The following EPB41L5 variants were observed in gnomAD, a reference collection of about 807,000 sequenced individuals.
The protein encoded by EPB41L5 is erythrocyte membrane protein band 4.1 like 5, also known as band 4.1-like protein 5.
EPB41L5 carries 55 observed loss-of-function variants against 106.6 expected under a neutral mutation model. The observed-to-expected ratio is 0.52, with a 90% confidence interval of 0.42 to 0.65. EPB41L5 has a LOEUF of 0.65. EPB41L5 is among the 30% of genes least tolerant of loss of function. The pLI, the probability that EPB41L5 is intolerant of heterozygous loss-of-function variation, is 0.00. For missense variants in EPB41L5, 871 were observed against 882.1 expected (o/e 0.99, Z 0.16); for synonymous variants, 297 against 306.7 (o/e 0.97, Z 0.33).
chr2:120,158,164 A>G (rs971586694), intron 20 of EPB41L5, among the ~76,000 whole-genome samples: 1 of 152,212 alleles, frequency 6.6e-6, no homozygotes, highest in Non-Finnish European at 1.5e-5. Context: ...ATTCTACCCA[A>G]TGTGCAAAGA....
intron 17 of EPB41L5, among the ~76,000 whole-genome samples, chr2:120,128,406 C>A (rs930395826): frequency 2.6e-5 from 4 of 152,124 alleles, no homozygotes; most frequent in African/African-American, 9.7e-5. Context: ...CCTGTTGAAT[C>A]TCACTGTAAT....
Position 120,105,824 on chromosome 2 carries a change from TAAAAG to T in EPB41L5, c.1337+5012_1337+5016del, listed in dbSNP as rs936493604. 2.2e-5 allele frequency: 22 copies of T among 985,354 alleles called. No homozygotes were observed. The African/African-American group carries it at 3.1e-4, about 14-fold the overall frequency. The allele number at this position is 985,354 out of a possible 1,614,324, so 61.0% of individuals were successfully genotyped here. On this transcript the variant is annotated intron_variant, in intron 16 of 24. Transcript: ENST00000263713. Reference sequence around the variant, plus strand: ...TATTGTCATGGCTGATTTTTTTTCTTAAAAGAGAGGAATTTGGATTATAACATTTT... The same window carrying T: ...TATTGTCATGGCTGATTTTTTTTCTTAGAGGAATTTGGATTATAACATTTT...
intron 20 of EPB41L5, among the ~76,000 whole-genome samples, chr2:120,154,621 A>G (rs1317907349): frequency 6.6e-6 from 1 of 151,512 alleles, no homozygotes; most frequent in Non-Finnish European, 1.5e-5. Flanking sequence ...TTATTTTGTT[A>G]TTGTCACAAA....
intron 16 of EPB41L5, among the ~76,000 whole-genome samples, chr2:120,113,582 C>G (rs1424261503): frequency 6.6e-6 from 1 of 152,180 alleles, no homozygotes; most frequent in African/African-American, 2.4e-5. Flanking sequence ...AGTTTATTCA[C>G]AAAGGTGTAC....
intron 2 of EPB41L5, among the ~76,000 whole-genome samples, chr2:120,040,323 A>G (rs1434391355): frequency 1.3e-5 from 2 of 152,212 alleles, no homozygotes. Context: ...AACAAGTAAC[A>G]TTACGAAGAA....
chr2:120,082,126 G>T (rs1682715784), intron 10 of EPB41L5, among the ~76,000 whole-genome samples: 1 of 152,062 alleles, frequency 6.6e-6, no homozygotes, highest in Non-Finnish European at 1.5e-5. Flanking sequence ...GATTGCCCTG[G>T]CCAGAACTTC....
intron 24 of EPB41L5, 150 bp downstream of exon 24, chr2:120,168,157 G>A: frequency 1.1e-6 from 1 of 936,084 alleles, no homozygotes; most frequent in South Asian, 2.1e-5. Context: ...TTGTTATTTA[G>A]TGTAGTGGCT....
At chr2:120,157,298 G>A (rs1253091919) in intron 20 of EPB41L5, among the ~76,000 whole-genome samples, 5 of 152,050 alleles carry the variant, frequency 3.3e-5, no homozygotes, top group African/African-American at 1.2e-4. Flanking sequence ...AGTGTTAAGA[G>A]GGAAATTTAT....
chr2:120,131,371 TCTA>T (rs1685679691), intron 17 of EPB41L5, among the ~76,000 whole-genome samples: 2 of 152,216 alleles, frequency 1.3e-5, no homozygotes, highest in Admixed American at 6.5e-5. Context: ...AGATTTCACA[TCTA>T]CTTGCTTTTT....
intron 18 of EPB41L5, among the ~76,000 whole-genome samples, chr2:120,138,129 T>G (rs1248915405): frequency 6.6e-6 from 1 of 151,952 alleles, no homozygotes; most frequent in African/African-American, 2.4e-5. Context: ...CAATTGATGC[T>G]GAAAAAACAT....
chr2:120,127,682 T>A lies in EPB41L5; in HGVS notation c.1338-6T>A. The A allele has an allele frequency of 1.3e-6, 2 of 1,576,666 alleles. No individual in the cohort carries two copies. The highest frequency in any genetic ancestry group is 1.7e-6 in the Non-Finnish European group (2 of 1,154,926). ...GGTCTAAGTAAATTTTCTATTTCCA[T>A]TGCAGCATTCCTCTGAATATTGATT... On this transcript the variant is annotated splice_region_variant and splice_polypyrimidine_tract_variant and intron_variant, in intron 16 of 24. Transcript: ENST00000263713.
At chr2:120,152,801 T>C (rs1022940553) in intron 20 of EPB41L5, among the ~76,000 whole-genome samples, 1 of 152,274 alleles carries the variant, frequency 6.6e-6, no homozygotes, top group Non-Finnish European at 1.5e-5. Flanking sequence ...TATTCAGATT[T>C]TCCATTTCGT....
rs1305422488 is a variant in EPB41L5 at position 120,177,099 on chromosome 2, A to AGCTGCT, written c.*2201_*2206dup. On this transcript the variant is annotated 3_prime_UTR_variant, in exon 25 of 25. Coordinates refer to ENST00000263713, the MANE Select transcript of EPB41L5 (RefSeq NM_020909.4). ...GTGTTGGGGATTGGTTTCCTGTCAT[A>AGCTGCT]GCTGCTGCTGCTGCCATGCGCAGAG... 2 of 152,204 alleles carry AGCTGCT rather than the reference A, an allele frequency of 1.3e-5. No homozygotes were observed. The highest frequency in any genetic ancestry group is 2.4e-5 in the African/African-American group (1 of 41,420). The allele number at this position is 152,204 out of a possible 1,614,324, so 9.4% of individuals were successfully genotyped here. A position where few individuals can be genotyped will look rare whatever the true frequency, so the allele number is the denominator to read the frequency against.
chr2:120,125,271 C>G (rs1052205791), intron 16 of EPB41L5, among the ~76,000 whole-genome samples: 1 of 152,128 alleles, frequency 6.6e-6, no homozygotes, highest in Non-Finnish European at 1.5e-5. Flanking sequence ...GTTCCAAACT[C>G]GTCCTCTAGG....
At chr2:120,048,886 A>T (rs1361835373) in intron 3 of EPB41L5, among the ~76,000 whole-genome samples, 1 of 152,162 alleles carries the variant, frequency 6.6e-6, no homozygotes, top group Admixed American at 6.6e-5. Context: ...CATTGATTTC[A>T]AAGAACATCT....
chr2:120,069,128 C>CAAAAAAAAAAAAAA (rs539813602), intron 3 of EPB41L5, among the ~76,000 whole-genome samples: 6 of 79,556 alleles, frequency 7.5e-5, no homozygotes, highest in African/African-American at 2.4e-4. Context: ...AACTCTGTCT[C>CAAAAAAAAAAAAAA]AAAAAAAAAA....
At chr2:120,053,892 G>T (rs866502343) in intron 3 of EPB41L5, among the ~76,000 whole-genome samples, 33 of 152,062 alleles carry the variant, frequency 2.2e-4, no homozygotes, top group African/African-American at 7.7e-4. Context: ...CAAAACACTT[G>T]TCTCTACAAT....
intron 3 of EPB41L5, among the ~76,000 whole-genome samples, chr2:120,047,508 T>C (rs2105231075): frequency 6.6e-6 from 1 of 152,164 alleles, no homozygotes; most frequent in East Asian, 1.9e-4. Context: ...TGCACATTGA[T>C]TTTGTATCCT....
chr2:120,128,256 A>AACACACACACACACACACACACACAC lies in EPB41L5; in HGVS notation c.1501+415_1501+440dup, dbSNP rs3084679. 1.6e-3 allele frequency among the ~76,000 whole-genome samples: 236 copies of AACACACACACACACACACACACACAC among 145,422 alleles called. 1 individual carries two copies. The highest frequency in any genetic ancestry group is 5.7e-3 in the African/African-American group (222 of 38,936). On this transcript the variant is annotated intron_variant, in intron 17 of 24. Coordinates refer to ENST00000263713, the MANE Select transcript of EPB41L5 (RefSeq NM_020909.4). ...TAACACAGAAAGAATGGTGCTTTAA[A>AACACACACACACACACACACACACAC]ACACACACACACACACACACACACA...
Sources: allele counts gnomAD v4.1 joint callset (sites outside exome capture counted in the v4.1 genomes callset), GRCh38; gene constraint gnomAD v4.1.1; transcripts MANE v1.5; gene names NCBI Gene and HGNC (gene_info 2026-07-23, HGNC 2026-07-21).